The following SLC38A10 variants were observed in gnomAD, a reference collection of about 807,000 sequenced individuals.
SLC38A10 encodes solute carrier family 38 member 10.
Under a neutral mutation model 81.0 loss-of-function variants are expected in SLC38A10, and 53 were observed. The ratio of observed to expected loss-of-function variants is 0.65; its 90% CI spans 0.53 to 0.82. The LOEUF (loss-of-function observed/expected upper bound fraction) is 0.82. Ranked by LOEUF, SLC38A10 falls within the 40% of genes least tolerant of loss-of-function variation. SLC38A10 has a pLI of 0.00. For synonymous variants in SLC38A10, 665 were observed against 655.3 expected, an observed-to-expected ratio of 1.01 and a Z score of -0.23; for missense variants, 1,471 against 1,545.0, an observed-to-expected ratio of 0.95 and a Z score of 0.80.
chr17:81,284,750 A>C, intron 3 of SLC38A10, 100 bp downstream of exon 3: 1 of 916,784 alleles, frequency 1.1e-6, no homozygotes, highest in Non-Finnish European at 1.6e-6. Flanking sequence ...AACCTAAGTT[A>C]CAGGTGAATC....
chr17:81,252,253 TC>T lies in SLC38A10; in HGVS notation c.1886del (p.Gly629AspfsTer76). Reference sequence around the variant, plus strand: ...CCCCGGCGGCGTTGCCTGGCGGCGGTCCCCCCTTGGCCTTTTCCCCTCCACC... The same window carrying T: ...CCCCGGCGGCGTTGCCTGGCGGCGGTCCCCCTTGGCCTTTTCCCCTCCACC... Reference protein sequence around the residue: ...AVGGGEKAKGGPPPGNAAGDT... With the variant: ...AVGGGEKAKGXPPPGNAAGDT... On this transcript the variant is annotated frameshift_variant, in exon 13 of 16. Transcript: ENST00000374759. LOFTEE classifies it high-confidence loss of function. 1 of 1,530,310 alleles carries T rather than the reference TC, an allele frequency of 6.5e-7. No individual in the cohort carries two copies. The highest frequency in any genetic ancestry group is 8.8e-7 in the Non-Finnish European group (1 of 1,136,572). The allele number at this position is 1,530,310 out of a possible 1,614,324, so 94.8% of individuals were successfully genotyped here.
At chr17:81,260,464 G>C (rs1049108496) in intron 10 of SLC38A10, 70 bp from the exon 11 acceptor site, 13 of 1,510,332 alleles carry the variant, frequency 8.6e-6, no homozygotes, top group Non-Finnish European at 9.8e-6. Context: ...TATAAAACTG[G>C]CCTGGCAGAG....
Position 81,253,109 on chromosome 17 carries a change from C to T in SLC38A10, c.1420G>A (p.Ala474Thr). The T allele has an allele frequency of 6.2e-7, 1 of 1,613,816 alleles. No individual in the cohort carries two copies. Among genetic ancestry groups the T allele is most frequent in the Non-Finnish European group, 8.5e-7 (1 of 1,180,038 alleles). The change falls in exon 12 of 16, where the codon GCA becomes ACA. Residue 474 changes from alanine (A) to threonine (T), a missense_variant. By Grantham distance (58) the Ala-to-Thr change is moderately conservative. This residue lies in a region of SLC38A10 where 720 missense variants were observed against 827.7 expected (regional missense o/e 0.87). Coordinates refer to ENST00000374759, the MANE Select transcript of SLC38A10 (RefSeq NM_001037984.3). This position sits in a 1 kb window ranked among gnomAD's most constrained non-coding sequence, Gnocchi z 4.1. Reference sequence around the variant, plus strand: ...CGATCGAGCTGTGCCTCCTCCGGTGCCTCCTTGCCATCTTCCCGTCCAGGC... The same window carrying T: ...CGATCGAGCTGTGCCTCCTCCGGTGTCTCCTTGCCATCTTCCCGTCCAGGC... ...DVPGREDGKE[A>T]PEEAQLDRPG...
chr17:81,264,743 A>G (rs1314019955), intron 10 of SLC38A10: 1 of 152,208 alleles, frequency 6.6e-6, no homozygotes, highest in Non-Finnish European at 1.5e-5. Context: ...CCCAGCTGGC[A>G]TCCAGGCACC....
chr17:81,245,587 C>G lies in SLC38A10; in HGVS notation c.3329G>C (p.Arg1110Thr). The change falls in exon 16 of 16, where the codon AGA becomes ACA. Residue 1110 changes from arginine to threonine, a missense_variant. Arg to Thr is a moderately conservative substitution (Grantham distance 71). Transcript: ENST00000374759. The part of the protein sequence containing the change: ...ALQVVHSRQL[R>T]QAPGPPEES ...CTCCTCTGGAGGCCCAGGCGCCTGT[C>G]TAAGCTGCCGGCTGTGGACCACCTG... 1 of 1,611,078 alleles carries G rather than the reference C, an allele frequency of 6.2e-7. No homozygotes were observed.
intron 10 of SLC38A10, chr17:81,264,843 C>T (rs1347895466): frequency 6.6e-6 from 1 of 152,160 alleles, no homozygotes; most frequent in Non-Finnish European, 1.5e-5. Context: ...CTGAGAGTCG[C>T]AGTGTGCATT....
Position 81,277,800 on chromosome 17 carries a change from G to C in SLC38A10, c.627-667C>G, listed in dbSNP as rs950471063. On this transcript the variant is annotated intron_variant, in intron 6 of 15. Coordinates refer to ENST00000374759, the MANE Select transcript of SLC38A10 (RefSeq NM_001037984.3). The surrounding 1 kb of genome is among the most constrained non-coding windows in gnomAD (Gnocchi z 4.5). ...ACAGGGACCTGGGCCTCTGGAAAGG[G>C]GTGGGCGAGACGACAAGGGAGAGGC... 2.0e-5 allele frequency among the ~76,000 whole-genome samples: 3 copies of C among 152,242 alleles called. No individual in the cohort carries two copies. Among genetic ancestry groups the C allele is most frequent in the Non-Finnish European group, 4.4e-5 (3 of 68,050 alleles).
intron 11 of SLC38A10, among the ~76,000 whole-genome samples, chr17:81,258,306 C>G (rs989571124): frequency 2.0e-5 from 3 of 152,266 alleles, no homozygotes; most frequent in South Asian, 2.1e-4. Flanking sequence ...CCATCTATCA[C>G]GGGGGAGCCG....
At position 81,276,631 on chromosome 17, in the gene SLC38A10, C is replaced by G. The variant is rs1026349157; in HGVS notation, c.729+400G>C. ...GGTCTTGAACTCCTGACCTCATGATCTGCCCACCTCGGTCTCCCAAAGTGC... is the reference window on the plus strand; with the variant it reads ...GGTCTTGAACTCCTGACCTCATGATGTGCCCACCTCGGTCTCCCAAAGTGC... On this transcript the variant is annotated intron_variant, in intron 7 of 15. Transcript: ENST00000374759. This position sits in a 1 kb window ranked among gnomAD's most constrained non-coding sequence, Gnocchi z 4.7. Among the ~76,000 whole-genome samples, 5 of 152,298 alleles carry G rather than the reference C, an allele frequency of 3.3e-5. No individual in the cohort carries two copies. Among genetic ancestry groups the G allele is most frequent in the Admixed American group, 1.3e-4 (2 of 15,288 alleles).
chr17:81,260,761 G>A (rs569608430), intron 10 of SLC38A10, among the ~76,000 whole-genome samples: 145 of 152,322 alleles, frequency 9.5e-4, no homozygotes, highest in African/African-American at 3.3e-3. Context: ...AGGACGGAGC[G>A]GGAGGGACAG....
Position 81,272,595 on chromosome 17 carries a change from G to A in SLC38A10, c.945C>T (p.Tyr315=). Residue 315 remains tyrosine, a synonymous_variant, in exon 9 of 16, where the codon TAC becomes TAT. Transcript: ENST00000374759. ...GTGCTTTAAACCGGAGAGGGGGCAT[G>A]TAGCCCCCTGCTGCAAAGGTGCCAT... ...QKDGTFAAGG[Y]MPPLRFKALT... is the part of the protein sequence containing the mutation. The A allele has an allele frequency of 6.4e-7, 1 of 1,568,034 alleles. No individual in the cohort carries two copies. The highest frequency in any genetic ancestry group is 8.6e-7 in the Non-Finnish European group (1 of 1,161,166).
Position 81,252,620 on chromosome 17 carries a change from A to C in SLC38A10, c.1520T>G (p.Val507Gly). The change falls in exon 13 of 16, where the codon GTG becomes GGG. Residue 507 changes from valine (V) to glycine (G), a missense_variant. Val to Gly is a moderately radical substitution (Grantham distance 109, BLOSUM62 -3). Coordinates refer to ENST00000374759, the MANE Select transcript of SLC38A10 (RefSeq NM_001037984.3). ...CTCTCGGTCTTGGCCTTCATCTACCACCACCTTGTCGTGAGGAACAGGAGG... is the reference window on the plus strand; with the variant it reads ...CTCTCGGTCTTGGCCTTCATCTACCCCCACCTTGTCGTGAGGAACAGGAGG... Reference protein sequence around the residue: ...HEPPVPHDKVVVDEGQDREVP... With the variant: ...HEPPVPHDKVGVDEGQDREVP... The C allele has an allele frequency of 1.9e-6, 3 of 1,612,554 alleles. No individual in the cohort carries two copies. The highest frequency in any genetic ancestry group is 2.5e-6 in the Non-Finnish European group (3 of 1,179,946).
intron 14 of SLC38A10, chr17:81,250,163 A>C: frequency 7.9e-7 from 1 of 1,262,166 alleles, no homozygotes; most frequent in East Asian, 5.6e-5. Flanking sequence ...TTTTTCAGAA[A>C]GAAGAAAATC....
chr17:81,281,066 A>T lies in SLC38A10; in HGVS notation c.502-333T>A, dbSNP rs1444387643. ...TGGCCCCAGTTTCCGTCGGTTACAG[A>T]GGCTGGTTTCCCACGTGGGCAGGTC... On this transcript the variant is annotated intron_variant, in intron 5 of 15. Coordinates refer to ENST00000374759, the MANE Select transcript of SLC38A10 (RefSeq NM_001037984.3). The surrounding 1 kb of genome is among the most constrained non-coding windows in gnomAD (Gnocchi z 5.3). Among the ~76,000 whole-genome samples, 1 of 152,194 alleles carries T rather than the reference A, an allele frequency of 6.6e-6. No homozygotes were observed. Among genetic ancestry groups the T allele is most frequent in the Non-Finnish European group, 1.5e-5 (1 of 68,030 alleles).
chr17:81,247,381 C>T (rs574062795), intron 14 of SLC38A10: 1 of 268,824 alleles, frequency 3.7e-6, no homozygotes, highest in African/African-American at 2.2e-5. Flanking sequence ...CGGCAGGACC[C>T]CAGCAAGCCT....
chr17:81,252,128 G>A, intron 13 of SLC38A10, 67 bp downstream of exon 13: 1 of 1,484,480 alleles, frequency 6.7e-7, no homozygotes, highest in Non-Finnish European at 8.9e-7. Context: ...CGATTCTGCT[G>A]CCCCTGCCCA....
At chr17:81,279,476 C>G (rs2063189857) in intron 6 of SLC38A10, among the ~76,000 whole-genome samples, 1 of 152,098 alleles carries the variant, frequency 6.6e-6, no homozygotes, top group Non-Finnish European at 1.5e-5. Context: ...AGCACGGCGG[C>G]CGGCACAGGG....
rs759209184 is a variant in SLC38A10 at position 81,252,285 on chromosome 17, C to T, written c.1855G>A (p.Ala619Thr). 6 of 1,609,540 alleles carry T rather than the reference C, an allele frequency of 3.7e-6. No homozygotes were observed. In the South Asian group the frequency reaches 6.6e-5, roughly 18 times the overall value. Reference protein sequence around the residue: ...AVLSEQQNGLAVGGGEKAKGG... With the variant: ...AVLSEQQNGLTVGGGEKAKGG... ...TTGGCCTTTTCCCCTCCACCCACCG[C>T]CAGGCCGTTCTGCTGCTCAGACAGC... The change falls in exon 13 of 16, where the codon GCG (alanine) becomes ACG (threonine). Residue 619 changes from alanine to threonine, a missense_variant. Ala to Thr is a moderately conservative substitution (Grantham distance 58). Around this residue, in one of 2 missense-constraint regions of SLC38A10, gnomAD observed 751 missense variants for 717.4 expected, o/e 1.05. Coordinates refer to ENST00000374759, the MANE Select transcript of SLC38A10 (RefSeq NM_001037984.3).
chr17:81,246,743 G>A, intron 15 of SLC38A10, 70 bp from the exon 16 acceptor site: 1 of 1,499,938 alleles, frequency 6.7e-7, no homozygotes, highest in South Asian at 1.4e-5. Context: ...GGGCTCAGAA[G>A]AACCAGCAAC....
Sources: allele counts gnomAD v4.1 joint callset (sites outside exome capture counted in the v4.1 genomes callset), GRCh38; gene constraint gnomAD v4.1.1; regional missense constraint gnomAD v4.1.1; non-coding constraint Gnocchi (gnomAD v3.1); transcripts MANE v1.5; gene names NCBI Gene and HGNC (gene_info 2026-07-23, HGNC 2026-07-21).